FCHO2: variants seen among roughly 807,000 people sequenced by gnomAD.
The protein encoded by FCHO2 is F-BAR domain only protein 2.
A neutral mutation model predicts 114.1 loss-of-function variants in FCHO2; 43 were observed. The ratio of observed to expected loss-of-function variants is 0.38; its 90% CI spans 0.30 to 0.49. The LOEUF is 0.49. Ranked by LOEUF, FCHO2 falls within the 20% of genes least tolerant of loss-of-function variation. The probability of loss-of-function intolerance (pLI) is 0.97; values close to 1 mark genes in which losing one functional copy is unlikely to be tolerated. For synonymous variants in FCHO2, 293 were observed against 315.2 expected, an observed-to-expected ratio of 0.93 and a Z score of 0.75; for missense variants, 807 against 950.4, an observed-to-expected ratio of 0.85 and a Z score of 1.98.
At chr5:73,028,312 T>A (rs984696237) in intron 8 of FCHO2, among the ~76,000 whole-genome samples, 3 of 152,166 alleles carry the variant, frequency 2.0e-5, no homozygotes, top group Admixed American at 1.3e-4. Flanking sequence ...GAAAATACCT[T>A]GGCAGCTTCT....
In FCHO2 at chr5:73,088,435, C is replaced by T. The variant is rs12518829; in HGVS notation, c.*345C>T. The T allele has an allele frequency of 0.012, 2,540 of 211,170 alleles. 136 individuals carry two copies. Among genetic ancestry groups the T allele is most frequent in the Admixed American group, 0.1 (1,923 of 18,654 alleles). The allele number at this position is 211,170 out of a possible 1,614,324, so 13.1% of individuals were successfully genotyped here. ...TATCAGGCCTAAAGTTTCAGAAGAG[C>T]AAGCACAAAGTAATTTAGCTTTCCA... On this transcript the variant is annotated 3_prime_UTR_variant, in exon 26 of 26. Transcript: ENST00000430046.
chr5:73,023,886 T>C (rs1580121840), intron 8 of FCHO2, among the ~76,000 whole-genome samples: 2 of 152,206 alleles, frequency 1.3e-5, no homozygotes, highest in Non-Finnish European at 2.9e-5. Context: ...TTCATCATAA[T>C]GTCCTACTTG....
intron 1 of FCHO2, among the ~76,000 whole-genome samples, chr5:72,957,368 G>C (rs1250740792): frequency 2.0e-5 from 3 of 152,102 alleles, no homozygotes; most frequent in African/African-American, 7.2e-5. Flanking sequence ...AGACCCATTA[G>C]CAGTCACTCC....
intron 9 of FCHO2, among the ~76,000 whole-genome samples, chr5:73,035,427 C>T (rs1023057676): frequency 1.3e-5 from 2 of 151,916 alleles, no homozygotes; most frequent in African/African-American, 4.8e-5. Context: ...TCAAAAACAA[C>T]AACAAAAACC....
At chr5:73,040,196 G>A (rs1224276015) in intron 10 of FCHO2, among the ~76,000 whole-genome samples, 1 of 152,128 alleles carries the variant, frequency 6.6e-6, no homozygotes, top group East Asian at 1.9e-4. Context: ...CCTTTGAAAT[G>A]CTTGAGACCA....
chr5:73,086,677 G>A (rs1480870465), intron 24 of FCHO2, among the ~76,000 whole-genome samples: 1 of 152,110 alleles, frequency 6.6e-6, no homozygotes, highest in Non-Finnish European at 1.5e-5. Context: ...TGCATCTTGT[G>A]CTTCTCTTCC....
intron 11 of FCHO2, among the ~76,000 whole-genome samples, chr5:73,042,625 T>C (rs1274389020): frequency 2.0e-5 from 3 of 152,138 alleles, no homozygotes; most frequent in South Asian, 2.1e-4. Flanking sequence ...ATGAAAAATA[T>C]ATAAAACTAG....
intron 20 of FCHO2, among the ~76,000 whole-genome samples, chr5:73,076,122 A>G (rs1218820325): frequency 6.6e-6 from 1 of 152,166 alleles, no homozygotes; most frequent in Non-Finnish European, 1.5e-5. Flanking sequence ...ACCCGTGTCT[A>G]GAAACTAAGT....
Position 73,078,161 on chromosome 5 carries a change from A to G in FCHO2, c.1848-19A>G, listed in dbSNP as rs771425039. On this transcript the variant is annotated intron_variant, in intron 21 of 25. Coordinates refer to ENST00000430046, the MANE Select transcript of FCHO2 (RefSeq NM_138782.3). The stretch of plus-strand genomic sequence containing the variant: ...AAGATAAGTCAATAAAATAACAAAT[A>G]TATTTTTTATATATGTAGTGATCCA... 24 of 1,462,096 alleles carry G rather than the reference A, an allele frequency of 1.6e-5. No homozygotes were observed. The highest frequency in any genetic ancestry group is 2.0e-5 in the Non-Finnish European group (22 of 1,105,146). The allele number at this position is 1,462,096 out of a possible 1,614,324, so 90.6% of individuals were successfully genotyped here.
intron 14 of FCHO2, 23 bp downstream of exon 14, chr5:73,054,194 T>C: frequency 1.3e-6 from 2 of 1,511,952 alleles, no homozygotes; most frequent in Non-Finnish European, 1.8e-6. Context: ...TTTTATATTT[T>C]TGCCCATTGA....
At chr5:73,058,369 C>A in intron 16 of FCHO2, 64 bp from the exon 17 acceptor site, 1 of 1,145,772 alleles carries the variant, frequency 8.7e-7, no homozygotes, top group Non-Finnish European at 1.2e-6. Context: ...AAATAAGTGA[C>A]TAGAAATTTT....
At chr5:72,967,980 A>G (rs531295908) in intron 1 of FCHO2, among the ~76,000 whole-genome samples, 1 of 148,670 alleles carries the variant, frequency 6.7e-6, no homozygotes, top group South Asian at 2.1e-4. Context: ...GCTGGGGCGC[A>G]GTGGCACAAT....
chr5:73,056,166 G>T, intron 16 of FCHO2, 59 bp downstream of exon 16: 1 of 1,299,818 alleles, frequency 7.7e-7, no homozygotes, highest in South Asian at 1.4e-5. Flanking sequence ...AGCAGTGTTT[G>T]ATTTATGGCA....
intron 10 of FCHO2, 151 bp from the exon 11 acceptor site, chr5:73,041,140 T>C: frequency 3.6e-6 from 2 of 557,880 alleles, no homozygotes; most frequent in Non-Finnish European, 6.4e-6. Context: ...AATAATTTGG[T>C]ATGTTTTAAT....
At chr5:73,053,071 A>G (rs999596095) in intron 13 of FCHO2, among the ~76,000 whole-genome samples, 2 of 152,212 alleles carry the variant, frequency 1.3e-5, no homozygotes, top group Admixed American at 1.3e-4. Flanking sequence ...TGTCAATTTT[A>G]AACTTAAAAA....
intron 2 of FCHO2, among the ~76,000 whole-genome samples, chr5:72,987,246 G>T (rs1457426538): frequency 1.3e-5 from 2 of 152,070 alleles, no homozygotes; most frequent in African/African-American, 4.8e-5. Context: ...ATGAGGTCAG[G>T]TGTGGAATTT....
chr5:72,956,152 C>G (rs1446370045), intron 1 of FCHO2, 23 bp downstream of exon 1: 1 of 1,531,696 alleles, frequency 6.5e-7, no homozygotes, highest in African/African-American at 1.4e-5. Context: ...TGTTGGAAGT[C>G]GTGTGTTTCG....
At chr5:72,984,105 CTTAA>C (rs1753381455) in intron 2 of FCHO2, among the ~76,000 whole-genome samples, 2 of 151,976 alleles carry the variant, frequency 1.3e-5, no homozygotes, top group Non-Finnish European at 2.9e-5. Context: ...TTATTGTGAC[CTTAA>C]TTTGCATTTC....
chr5:73,006,630 T>A, intron 6 of FCHO2, 81 bp downstream of exon 6: 1 of 960,072 alleles, frequency 1.0e-6, no homozygotes, highest in Non-Finnish European at 1.4e-6. Flanking sequence ...ATATAATTTT[T>A]TAGTGTTGGA....
Sources: allele counts gnomAD v4.1 joint callset (sites outside exome capture counted in the v4.1 genomes callset), GRCh38; gene constraint gnomAD v4.1.1; transcripts MANE v1.5; gene names NCBI Gene and HGNC (gene_info 2026-07-23, HGNC 2026-07-21).